NPAS2: variants seen among roughly 807,000 people sequenced by gnomAD.
The protein encoded by NPAS2 is neuronal PAS domain-containing protein 2.
In NPAS2, 23 loss-of-function variants were observed where a neutral mutation model predicts 107.5. The observed-to-expected ratio is 0.21, with a 90% CI of 0.15 to 0.30. NPAS2 has a LOEUF of 0.30. Among genes scored for constraint, NPAS2 ranks in the 10% least tolerant of loss-of-function variants. The pLI is 1.00. For synonymous variants in NPAS2, 403 were observed against 417.5 expected (o/e 0.97, Z 0.42); for missense variants, 756 against 1,043.3 (o/e 0.72, Z 3.79).
intron 1 of NPAS2, among the ~76,000 whole-genome samples, chr2:100,845,463 G>A (rs1677717501): frequency 6.6e-6 from 1 of 152,146 alleles, no homozygotes; most frequent in South Asian, 2.1e-4. Context: ...ATGTAGCACT[G>A]GCTAAGAACA....
At chr2:100,873,871 A>G (rs191121962) in intron 1 of NPAS2, among the ~76,000 whole-genome samples, 1 of 152,308 alleles carries the variant, frequency 6.6e-6, no homozygotes, top group Admixed American at 6.5e-5. Flanking sequence ...GTAGCTTTAA[A>G]GGCTTAAAGA....
chr2:100,921,061 A>G (rs1683195124), intron 2 of NPAS2, among the ~76,000 whole-genome samples: 1 of 152,216 alleles, frequency 6.6e-6, no homozygotes, highest in Non-Finnish European at 1.5e-5. Context: ...AGCAGCCAGA[A>G]TTAGTCACTC....
chr2:100,961,929 A>G lies in NPAS2; in HGVS notation c.599-2129A>G, dbSNP rs551610393. Among the ~76,000 whole-genome samples the G allele has an allele frequency of 5.3e-5, 8 of 152,344 alleles. 1 individual carries two copies. The Middle Eastern group carries it at 0.014, about 259-fold the overall frequency. On this transcript the variant is annotated intron_variant, in intron 7 of 20. Coordinates refer to ENST00000335681, the MANE Select transcript of NPAS2 (RefSeq NM_002518.4). ...GGTATTCTGAAAGAGTCAGAATTTT[A>G]TTAGTCATTATCTGGCTGGGTAATA...
At position 100,995,765 on chromosome 2, in the gene NPAS2, G is replaced by A. The variant is rs1249265113; in HGVS notation, c.*183G>A. On this transcript the variant is annotated 3_prime_UTR_variant, in exon 21 of 21. Transcript: ENST00000335681. ...CGCTTGCTGCAGTGGAAATGATCAGGAATACTGACCGTGTTTCTCTTGCCT... is the reference window on the plus strand; with the variant it reads ...CGCTTGCTGCAGTGGAAATGATCAGAAATACTGACCGTGTTTCTCTTGCCT... 12 of 1,549,298 alleles carry A rather than the reference G, an allele frequency of 7.7e-6. No homozygotes were observed. The highest frequency in any genetic ancestry group is 1.0e-5 in the Non-Finnish European group (12 of 1,146,840).
intron 1 of NPAS2, among the ~76,000 whole-genome samples, chr2:100,842,077 A>ACGCGCGCG (rs1553441809): frequency 3.8e-4 from 35 of 92,410 alleles, no homozygotes; most frequent in Middle Eastern, 4.9e-3. Flanking sequence ...GTGTGCATGT[A>ACGCGCGCG]CGCGCACACA....
rs72973648 is a variant in NPAS2, at chr2:100,926,265, A to G, written c.181+971A>G. On this transcript the variant is annotated intron_variant, in intron 3 of 20. Coordinates refer to ENST00000335681, the MANE Select transcript of NPAS2 (RefSeq NM_002518.4). ...TTCATGTACAAATTTTTGAGTTGAT[A>G]TATGTTTTCACTTCTTTTGTTTGTA... 4.3e-3 allele frequency among the ~76,000 whole-genome samples: 658 copies of G among 152,258 alleles called. 5 individuals carry two copies. The highest frequency in any genetic ancestry group is 0.015 in the African/African-American group (623 of 41,534).
chr2:100,852,339 G>T (rs1036065809), intron 1 of NPAS2, among the ~76,000 whole-genome samples: 2 of 152,170 alleles, frequency 1.3e-5, no homozygotes, highest in African/African-American at 4.8e-5. Flanking sequence ...AGAGCTTGCA[G>T]TGAGCTGAGA....
chr2:100,888,605 G>A lies in NPAS2; in HGVS notation c.-22-16128G>A, dbSNP rs192990928. 3.3e-5 allele frequency among the ~76,000 whole-genome samples: 5 copies of A among 152,146 alleles called. No homozygotes were observed. In the East Asian group the frequency reaches 9.6e-4, roughly 29 times the overall value. On this transcript the variant is annotated intron_variant, in intron 1 of 20. Transcript: ENST00000335681. ...TGCTATATTGCTGCCTGTGAACATAGGATAGTATCTGTTAGAGTTGTTCAG... is the reference window on the plus strand; with the variant it reads ...TGCTATATTGCTGCCTGTGAACATAAGATAGTATCTGTTAGAGTTGTTCAG...
chr2:100,957,698 G>A (rs1465967281), intron 7 of NPAS2, among the ~76,000 whole-genome samples: 3 of 151,906 alleles, frequency 2.0e-5, no homozygotes, highest in African/African-American at 4.8e-5. Context: ...AGGCCGAGGC[G>A]GGCGGATCAC....
upstream of NPAS2, among the ~76,000 whole-genome samples, chr2:100,819,464 C>T (rs1008518308): frequency 3.3e-5 from 5 of 152,180 alleles, no homozygotes; most frequent in African/African-American, 9.7e-5. The surrounding 1 kb of genome is among the most constrained non-coding windows in gnomAD (Gnocchi z 5.8). Context: ...TCTTCCCCGA[C>T]CCCCGCCTCC....
In NPAS2 at chr2:100,971,003, C is replaced by T. The variant is rs1676512066; in HGVS notation, c.1069C>T (p.Arg357Trp). Reference protein sequence around the residue: ...THSVVSYADVRVERRQELALE... With the variant: ...THSVVSYADVWVERRQELALE... ...TTTCCTGTACAGTTACGCAGATGTC[C>T]GGGTGGAAAGGAGGCAGGAGCTGGC... Residue 357 changes from arginine (R) to tryptophan (W), a missense_variant, in exon 12 of 21, where the codon CGG (arginine) becomes TGG (tryptophan). Arg to Trp is a moderately radical substitution (Grantham distance 101, BLOSUM62 -3). Transcript: ENST00000335681. The T allele has an allele frequency of 4.3e-6, 7 of 1,613,924 alleles. No homozygotes were observed. The highest frequency in any genetic ancestry group is 1.3e-5 in the African/African-American group (1 of 74,876).
At position 100,965,203 on chromosome 2, in the gene NPAS2, G is replaced by A. The variant is rs140040956; in HGVS notation, c.800+260G>A. On this transcript the variant is annotated intron_variant, in intron 9 of 20. Coordinates refer to ENST00000335681, the MANE Select transcript of NPAS2 (RefSeq NM_002518.4). The surrounding 1 kb of genome is among the most constrained non-coding windows in gnomAD (Gnocchi z 4.3). ...ATGATCCTCACTTGAGGCCCTTCCC[G>A]GCTCCCAGTAAGGCAGCAGCAAGTG... 6.1e-4 allele frequency among the ~76,000 whole-genome samples: 93 copies of A among 152,294 alleles called. 2 individuals carry two copies. In the East Asian group the frequency reaches 0.013, roughly 21 times the overall value.
chr2:100,967,469 G>A (rs59710980), intron 10 of NPAS2, among the ~76,000 whole-genome samples: 8,436 of 151,764 alleles, frequency 0.056, 522 homozygotes, highest in South Asian at 0.16. Flanking sequence ...CTCATGATCC[G>A]CCTGCCTCAG....
At chr2:100,936,875 G>C (rs1231976615) in intron 4 of NPAS2, among the ~76,000 whole-genome samples, 4 of 151,494 alleles carry the variant, frequency 2.6e-5, no homozygotes, top group Non-Finnish European at 5.9e-5. Context: ...CCAGCTACTC[G>C]GGACACTGAA....
intron 1 of NPAS2, among the ~76,000 whole-genome samples, chr2:100,890,760 C>A (rs149868418): frequency 1.3e-5 from 2 of 152,046 alleles, no homozygotes; most frequent in Non-Finnish European, 2.9e-5. Flanking sequence ...AAGAGAGTCC[C>A]GGGTGTGAAG....
intron 20 of NPAS2, 102 bp downstream of exon 20, chr2:100,993,629 G>A: frequency 3.2e-6 from 3 of 939,736 alleles, no homozygotes; most frequent in South Asian, 1.8e-5. Context: ...TTTCAAGGTT[G>A]TTCTATCCCT....
chr2:100,847,374 A>T (rs894692576), intron 1 of NPAS2, among the ~76,000 whole-genome samples: 11 of 148,426 alleles, frequency 7.4e-5, no homozygotes, highest in Non-Finnish European at 1.2e-4. Context: ...ATAAAAATGA[A>T]TTTTTTTTTT....
At chr2:100,979,859 A>G (rs767181652) in intron 15 of NPAS2, among the ~76,000 whole-genome samples, 8 of 152,218 alleles carry the variant, frequency 5.3e-5, no homozygotes, top group Non-Finnish European at 1.0e-4. Context: ...ACATCCCTGC[A>G]TAATACTGAC....
intron 1 of NPAS2, among the ~76,000 whole-genome samples, chr2:100,882,800 C>A (rs1490699918): frequency 6.6e-6 from 1 of 152,222 alleles, no homozygotes; most frequent in African/African-American, 2.4e-5. Flanking sequence ...CTCTCTCTCA[C>A]ACGCACACAT....
Sources: allele counts gnomAD v4.1 joint callset (sites outside exome capture counted in the v4.1 genomes callset), GRCh38; gene constraint gnomAD v4.1.1; non-coding constraint Gnocchi (gnomAD v3.1); transcripts MANE v1.5; gene names NCBI Gene and HGNC (gene_info 2026-07-23, HGNC 2026-07-21).